The following UNC13C variants were observed in gnomAD, a reference collection of about 807,000 sequenced individuals.
UNC13C encodes the protein unc-13 homolog C, also known as protein unc-13 homolog C.
Under a neutral mutation model 245.4 loss-of-function variants are expected in UNC13C, and 174 were observed. The ratio of observed to expected loss-of-function variants is 0.71; its 90% CI spans 0.63 to 0.80. UNC13C has a LOEUF of 0.80. Ranked by LOEUF, UNC13C falls within the 30% of genes least tolerant of loss-of-function variation. The pLI, the probability that UNC13C is intolerant of heterozygous loss-of-function variation, is 0.00. For synonymous variants in UNC13C, 992 were observed against 895.1 expected (o/e 1.11, Z -1.93); for missense variants, 2,829 against 2,602.9 (o/e 1.09, Z -1.89).
At chr15:54,035,351 T>G (rs533308721) in intron 2 of UNC13C, among the ~76,000 whole-genome samples, 1 of 151,668 alleles carries the variant, frequency 6.6e-6, no homozygotes, top group African/African-American at 2.4e-5. Context: ...TCTTCCTATG[T>G]TTTTATTTTT....
the UNC13C span, among the ~76,000 whole-genome samples, chr15:53,849,548 C>T: frequency 2.6e-5 from 4 of 152,100 alleles, no homozygotes; most frequent in Admixed American, 2.6e-4. Context: ...CTCCAGAATA[C>T]ATTACTATTG....
chr15:53,875,848 A>G, the UNC13C span, among the ~76,000 whole-genome samples: 4 of 152,176 alleles, frequency 2.6e-5, no homozygotes, highest in African/African-American at 9.7e-5. Flanking sequence ...TGTGTGTCAC[A>G]CAGTGCTGAC....
chr15:54,388,185 CCCTTCCTTTTTTT>C (rs1336333331), intron 17 of UNC13C, among the ~76,000 whole-genome samples: 1 of 152,124 alleles, frequency 6.6e-6, no homozygotes, highest in Non-Finnish European at 1.5e-5. Flanking sequence ...TCTTCACCTT[CCCTTCCTTTTTTT>C]CCTTCCTTCC....
In UNC13C at chr15:54,486,178, G is replaced by A. The variant is rs549077537; in HGVS notation, c.4934-8430G>A. ...TAATCCCAGCACTTTGGGAAGCTGAGGTGGCCGCATCACTTGAGGTTAGGA... is the reference window on the plus strand; with the variant it reads ...TAATCCCAGCACTTTGGGAAGCTGAAGTGGCCGCATCACTTGAGGTTAGGA... On this transcript the variant is annotated intron_variant, in intron 19 of 32. Transcript: ENST00000260323. Among the ~76,000 whole-genome samples, 95 of 151,766 alleles carry A rather than the reference G, an allele frequency of 6.3e-4. 1 individual carries two copies. The highest frequency in any genetic ancestry group is 3.4e-3 in the Middle Eastern group (1 of 290).
intron 17 of UNC13C, among the ~76,000 whole-genome samples, chr15:54,374,796 G>C (rs947917344): frequency 6.6e-6 from 1 of 152,330 alleles, no homozygotes; most frequent in East Asian, 1.9e-4. Context: ...CGCCTCGCCG[G>C]CTGGCTGCAG....
chr15:54,135,534 C>T (rs1448507639), intron 2 of UNC13C, among the ~76,000 whole-genome samples: 1 of 151,992 alleles, frequency 6.6e-6, no homozygotes, highest in African/African-American at 2.4e-5. Flanking sequence ...CTCATTTTTC[C>T]AATACCATTT....
At chr15:53,931,059 T>C in the UNC13C span, among the ~76,000 whole-genome samples, 1 of 152,240 alleles carries the variant, frequency 6.6e-6, no homozygotes. Context: ...AGTTGACAAC[T>C]GTCGAATGCC....
chr15:54,108,773 G>A (rs1900594473), intron 2 of UNC13C, among the ~76,000 whole-genome samples: 1 of 152,110 alleles, frequency 6.6e-6, no homozygotes, highest in Admixed American at 6.5e-5. Context: ...AAAAAGAGGT[G>A]GAGGCATACA....
At chr15:53,860,734 C>T in the UNC13C span, among the ~76,000 whole-genome samples, 1 of 152,048 alleles carries the variant, frequency 6.6e-6, no homozygotes, top group Admixed American at 6.6e-5. Context: ...CTGAATATGT[C>T]GATAATTTTA....
chr15:54,386,043 C>T (rs763860594), intron 17 of UNC13C, among the ~76,000 whole-genome samples: 14 of 152,102 alleles, frequency 9.2e-5, no homozygotes, highest in Admixed American at 3.9e-4. Context: ...CTTTTCTTCT[C>T]ATTCAAGATA....
chr15:54,061,262 G>A (rs896027923), intron 2 of UNC13C, among the ~76,000 whole-genome samples: 1 of 151,934 alleles, frequency 6.6e-6, no homozygotes, highest in Non-Finnish European at 1.5e-5. Context: ...TACTAAAAAG[G>A]ACTAGGAAGT....
the UNC13C span, among the ~76,000 whole-genome samples, chr15:53,939,163 G>A: frequency 6.6e-6 from 1 of 152,104 alleles, no homozygotes; most frequent in South Asian, 2.1e-4. Context: ...GATATCACCA[G>A]TGACCCCACA....
At chr15:54,063,618 G>T (rs1191852574) in intron 2 of UNC13C, among the ~76,000 whole-genome samples, 1 of 151,998 alleles carries the variant, frequency 6.6e-6, no homozygotes, top group Non-Finnish European at 1.5e-5. Context: ...TCCAGCAATA[G>T]CATGGAAAAT....
At chr15:54,271,151 C>T (rs529237785) in intron 10 of UNC13C, among the ~76,000 whole-genome samples, 2 of 152,070 alleles carry the variant, frequency 1.3e-5, no homozygotes, top group Non-Finnish European at 2.9e-5. Flanking sequence ...GAATGGGGCA[C>T]TCTGGACAGC....
Position 54,509,862 on chromosome 15 carries a change from T to C in UNC13C, c.5380-1891T>C, listed in dbSNP as rs548576207. ...CATTTCAAGGTCAGGGAACTCTTAA[T>C]GAAAAGGGAGAGTCTCAAATTTATT... On this transcript the variant is annotated intron_variant, in intron 23 of 32. Transcript: ENST00000260323. Among the ~76,000 whole-genome samples, 27 of 151,960 alleles carry C rather than the reference T, an allele frequency of 1.8e-4. No homozygotes were observed. In the South Asian group the frequency reaches 5.2e-3, roughly 29 times the overall value.
At chr15:54,583,812 C>T (rs78957409) in intron 30 of UNC13C, among the ~76,000 whole-genome samples, 258 of 150,710 alleles carry the variant, frequency 1.7e-3, no homozygotes, top group South Asian at 3.8e-3. Context: ...GACCCAGAAC[C>T]CACACATCAC....
chr15:54,346,991 A>T (rs992407028), intron 17 of UNC13C, among the ~76,000 whole-genome samples: 1 of 152,200 alleles, frequency 6.6e-6, no homozygotes, highest in African/African-American at 2.4e-5. Flanking sequence ...TCCCAGGTGA[A>T]CATCTATGTG....
chr15:54,467,238 G>A (rs1892224648), intron 19 of UNC13C, among the ~76,000 whole-genome samples: 2 of 151,774 alleles, frequency 1.3e-5, no homozygotes, highest in East Asian at 3.9e-4. Context: ...GAATTTTTCA[G>A]TAAATGATGG....
At chr15:53,965,539 CTTAT>C in the UNC13C span, among the ~76,000 whole-genome samples, 6,779 of 144,706 alleles carry the variant, frequency 0.047, 247 homozygotes, top group African/African-American at 0.097. Flanking sequence ...TTTTTTTTCC[CTTAT>C]TTATTTATTT....
Sources: allele counts gnomAD v4.1 joint callset (sites outside exome capture counted in the v4.1 genomes callset), GRCh38; gene constraint gnomAD v4.1.1; transcripts MANE v1.5; gene names NCBI Gene and HGNC (gene_info 2026-07-23, HGNC 2026-07-21).